Variants in ADCK1 observed in about 807,000 individuals in gnomAD.
ADCK1 encodes the protein aarF domain containing kinase 1.
In ADCK1, 41 loss-of-function variants were observed where a neutral mutation model predicts 52.3. The ratio of observed to expected loss-of-function variants is 0.78; its 90% CI spans 0.61 to 1.02. The LOEUF is 1.02. Ranked by LOEUF, ADCK1 falls within the 50% of genes least tolerant of loss-of-function variation. ADCK1 has a pLI of 0.00. For synonymous variants in ADCK1, 250 were observed against 274.6 expected, an observed-to-expected ratio of 0.91 and a Z score of 0.89; for missense variants, 658 against 679.5, an observed-to-expected ratio of 0.97 and a Z score of 0.35.
rs1363466893 is a variant in ADCK1 at position 77,925,811 on chromosome 14, T to G, written c.1056T>G (p.Ser352=). Residue 352 remains serine, a synonymous_variant, in exon 9 of 11, where the codon TCT becomes TCG. Coordinates refer to ENST00000238561, the MANE Select transcript of ADCK1 (RefSeq NM_020421.4). The part of the protein sequence containing the change: ...FRLNYCHLWQ[S]LIWTDMKRVK... Reference sequence around the variant, plus strand: ...TGAATTACTGCCACCTCTGGCAGTCTCTGATCTGGACTGACATGAAGAGAG... The same window carrying G: ...TGAATTACTGCCACCTCTGGCAGTCGCTGATCTGGACTGACATGAAGAGAG... 6.2e-7 allele frequency: 1 copy of G among 1,614,214 alleles called. No individual in the cohort carries two copies. The highest frequency in any genetic ancestry group is 2.2e-5 in the East Asian group (1 of 44,880).
At chr14:77,863,916 A>C (rs982301851) in intron 4 of ADCK1, among the ~76,000 whole-genome samples, 1 of 152,166 alleles carries the variant, frequency 6.6e-6, no homozygotes, top group Non-Finnish European at 1.5e-5. Context: ...CACCTCTGAA[A>C]TCCCATGAGA....
chr14:77,815,571 G>A (rs1167095775), intron 1 of ADCK1, among the ~76,000 whole-genome samples: 1 of 150,276 alleles, frequency 6.7e-6, no homozygotes, highest in Non-Finnish European at 1.5e-5. Context: ...CCAGACTGGA[G>A]TGCAGTGGCA....
chr14:77,890,723 C>T (rs1222817457), intron 5 of ADCK1, among the ~76,000 whole-genome samples: 1 of 152,162 alleles, frequency 6.6e-6, no homozygotes, highest in Non-Finnish European at 1.5e-5. Flanking sequence ...AGAGCAGCTA[C>T]AGTGGCCTGA....
chr14:77,911,524 A>C (rs902433251), intron 7 of ADCK1, among the ~76,000 whole-genome samples: 3 of 152,198 alleles, frequency 2.0e-5, no homozygotes, highest in African/African-American at 7.2e-5. Flanking sequence ...TCTGGCTTAC[A>C]TCAAGGATCA....
chr14:77,853,639 A>AT (rs1296965823), intron 3 of ADCK1, among the ~76,000 whole-genome samples: 1 of 151,890 alleles, frequency 6.6e-6, no homozygotes. Flanking sequence ...GAACTATGAG[A>AT]TTTTTTTCAT....
At chr14:77,899,805 C>T (rs568626817) in intron 6 of ADCK1, among the ~76,000 whole-genome samples, 1 of 152,302 alleles carries the variant, frequency 6.6e-6, no homozygotes, top group African/African-American at 2.4e-5. Flanking sequence ...CACAGTGGCT[C>T]ACACCTGTAA....
chr14:77,918,978 C>T (rs2083987574), intron 7 of ADCK1, among the ~76,000 whole-genome samples: 1 of 152,206 alleles, frequency 6.6e-6, no homozygotes, highest in Admixed American at 6.5e-5. Context: ...TCTCTTATTC[C>T]TGTTTAAACG....
At chr14:77,866,034 G>A (rs1594968437) in intron 4 of ADCK1, among the ~76,000 whole-genome samples, 1 of 152,122 alleles carries the variant, frequency 6.6e-6, no homozygotes, top group East Asian at 1.9e-4. Context: ...GTCATATGTT[G>A]CTTAATGATG....
At chr14:77,925,524 A>C (rs962263822) in intron 8 of ADCK1, among the ~76,000 whole-genome samples, 1 of 152,218 alleles carries the variant, frequency 6.6e-6, no homozygotes, top group Non-Finnish European at 1.5e-5. Context: ...ACCTGGGAAG[A>C]GGAGGAGAAT....
At chr14:77,805,351 ACCTGGGTTCAAGTGATTCT>A (rs1262675338) in intron 1 of ADCK1, among the ~76,000 whole-genome samples, 3 of 116,996 alleles carry the variant, frequency 2.6e-5, no homozygotes, top group African/African-American at 9.9e-5. Context: ...AACCTCCGCC[ACCTGGGTTCAAGTGATTCT>A]CCTGCCTCAG....
At chr14:77,853,999 A>G (rs1428133810) in intron 3 of ADCK1, among the ~76,000 whole-genome samples, 1 of 152,084 alleles carries the variant, frequency 6.6e-6, no homozygotes, top group Non-Finnish European at 1.5e-5. Context: ...TTTCTTTCTC[A>G]TCTTTCAGGA....
chr14:77,833,307 A>G (rs1388303089), intron 3 of ADCK1, among the ~76,000 whole-genome samples: 1 of 152,150 alleles, frequency 6.6e-6, no homozygotes, highest in Non-Finnish European at 1.5e-5. Flanking sequence ...CCTGTCATGG[A>G]ATCTTTTCAG....
chr14:77,831,256 C>T (rs888308168), intron 3 of ADCK1, among the ~76,000 whole-genome samples: 1 of 152,148 alleles, frequency 6.6e-6, no homozygotes, highest in Non-Finnish European at 1.5e-5. Flanking sequence ...GTTTCTTCTC[C>T]TAAATTCCTT....
At chr14:77,844,837 A>G (rs2886167) in intron 3 of ADCK1, among the ~76,000 whole-genome samples, 100,119 of 152,092 alleles carry the variant, frequency 0.66, 33,084 homozygotes, top group Admixed American at 0.7. Context: ...GAAAGCAAAG[A>G]CATTTCATTT....
rs368376408 is a variant in ADCK1 at position 77,887,264 on chromosome 14, T to G, written c.582+15T>G. Reference sequence around the variant, plus strand: ...TCCTGATGGAGGTGAGAGCCCTCCCTTTCTCCTTCCTGTGTCCTCAGTCTA... The same window carrying G: ...TCCTGATGGAGGTGAGAGCCCTCCCGTTCTCCTTCCTGTGTCCTCAGTCTA... On this transcript the variant is annotated intron_variant, in intron 5 of 10. Coordinates refer to ENST00000238561, the MANE Select transcript of ADCK1 (RefSeq NM_020421.4). The G allele has an allele frequency of 2.7e-5, 42 of 1,546,822 alleles. No individual in the cohort carries two copies. The highest frequency in any genetic ancestry group is 3.6e-5 in the Non-Finnish European group (41 of 1,145,588).
intron 3 of ADCK1, among the ~76,000 whole-genome samples, chr14:77,836,672 C>T (rs74805884): frequency 0.013 from 2,053 of 152,230 alleles, 47 homozygotes; most frequent in African/African-American, 0.048. Flanking sequence ...GGGAAGAACC[C>T]TTCCTTGCCT....
chr14:77,851,094 G>A (rs544010321), intron 3 of ADCK1, among the ~76,000 whole-genome samples: 6 of 150,766 alleles, frequency 4.0e-5, no homozygotes, highest in Non-Finnish European at 5.9e-5. Context: ...TTTGAAGAGC[G>A]TTTCTTTTAG....
intron 3 of ADCK1, among the ~76,000 whole-genome samples, chr14:77,851,653 A>T (rs1400387803): frequency 6.6e-6 from 1 of 151,914 alleles, no homozygotes; most frequent in Non-Finnish European, 1.5e-5. Context: ...TACTTTAATG[A>T]TTGCTTTAGT....
intron 6 of ADCK1, among the ~76,000 whole-genome samples, chr14:77,906,337 C>T (rs2083664521): frequency 2.0e-5 from 3 of 152,214 alleles, no homozygotes; most frequent in South Asian, 2.1e-4. Flanking sequence ...GGGGGAAACT[C>T]GGCATGCTGG....
Sources: allele counts gnomAD v4.1 joint callset (sites outside exome capture counted in the v4.1 genomes callset), GRCh38; gene constraint gnomAD v4.1.1; transcripts MANE v1.5; gene names NCBI Gene and HGNC (gene_info 2026-07-23, HGNC 2026-07-21).